HIVEP3: variants seen among roughly 807,000 people sequenced by gnomAD.
The protein encoded by HIVEP3 is transcription factor HIVEP3.
Under a neutral mutation model 152.8 loss-of-function variants are expected in HIVEP3, and 49 were observed. The observed-to-expected ratio is 0.32, with a 90% CI of 0.26 to 0.41. The LOEUF (loss-of-function observed/expected upper bound fraction) is 0.41, where lower values mean the gene tolerates loss of function less well. HIVEP3 is among the 10% of genes least tolerant of loss of function. The pLI is 1.00. For synonymous variants in HIVEP3, 1,269 were observed against 1,289.0 expected (o/e 0.98, Z 0.33); for missense variants, 2,790 against 3,103.3 (o/e 0.90, Z 2.40).
intron 1 of HIVEP3, among the ~76,000 whole-genome samples, chr1:41,746,693 A>G (rs1647077306): frequency 6.6e-6 from 1 of 152,210 alleles, no homozygotes; most frequent in Non-Finnish European, 1.5e-5. Flanking sequence ...CAAACTGCCC[A>G]GGTCTGCAGC....
At chr1:41,837,826 G>A (rs1391224376) in intron 1 of HIVEP3, among the ~76,000 whole-genome samples, 1 of 152,148 alleles carries the variant, frequency 6.6e-6, no homozygotes, top group Non-Finnish European at 1.5e-5. Context: ...TGCCTGCCTG[G>A]CCAGTATTTA....
chr1:41,644,665 G>C (rs1570201948), intron 2 of HIVEP3, among the ~76,000 whole-genome samples: 2 of 147,672 alleles, frequency 1.4e-5, no homozygotes, highest in East Asian at 4.0e-4. Context: ...TATAACCCAG[G>C]GATTTAAAGC....
chr1:41,582,022 C>T lies in HIVEP3; in HGVS notation c.2776G>A (p.Val926Met), dbSNP rs1449873405. Reference sequence around the variant, plus strand: ...TGGCTCGGGCTGCGAGACAGAGGCACAGAGGACTCGAAGCTGGACTCCCCT... The same window carrying T: ...TGGCTCGGGCTGCGAGACAGAGGCATAGAGGACTCGAAGCTGGACTCCCCT... The part of the protein sequence containing the change: ...SSGESSFESS[V>M]PLSRSPSQES... Residue 926 changes from valine to methionine, a missense_variant, in exon 4 of 9, where the codon GTG (valine) becomes ATG (methionine). By Grantham distance (21) the Val-to-Met change is conservative. Transcript: ENST00000372583. The surrounding 1 kb of genome is among the most constrained non-coding windows in gnomAD (Gnocchi z 4.7). The T allele has an allele frequency of 1.2e-6, 2 of 1,614,190 alleles. No individual in the cohort carries two copies. Among genetic ancestry groups the T allele is most frequent in the East Asian group, 4.5e-5 (2 of 44,878 alleles).
At chr1:41,612,820 G>A (rs1331670531) in intron 3 of HIVEP3, among the ~76,000 whole-genome samples, 1 of 152,218 alleles carries the variant, frequency 6.6e-6, no homozygotes, top group African/African-American at 2.4e-5. Context: ...GCCAGCCCCT[G>A]TCCCCTCCCT....
chr1:41,595,918 T>C (rs1380094922), intron 3 of HIVEP3, among the ~76,000 whole-genome samples: 4 of 152,172 alleles, frequency 2.6e-5, no homozygotes, highest in South Asian at 2.1e-4. Flanking sequence ...CACCTTGTGA[T>C]TGTGTGAGTC....
Position 41,513,452 on chromosome 1 carries a change from G to A in HIVEP3, c.5769C>T (p.Arg1923=), listed in dbSNP as rs1456789403. Residue 1923 remains arginine (R), a synonymous_variant, in exon 8 of 9, where the codon CGC becomes CGT. Transcript: ENST00000372583. ...ACATGGAGCAGCTGCTGGCTGTCAG[G>A]CGCTCAGCTTCCGAGACCGAGCTGC... ...TRGSSVSEAE[R]LTASSCSMSS... is the part of the protein sequence containing the mutation. The A allele has an allele frequency of 6.2e-7, 1 of 1,611,820 alleles. No homozygotes were observed.
intron 1 of HIVEP3, among the ~76,000 whole-genome samples, chr1:41,948,100 T>C (rs184091904): frequency 1.3e-5 from 2 of 152,356 alleles, no homozygotes; most frequent in African/African-American, 2.4e-5. Flanking sequence ...GGGGACTTTT[T>C]AGAGGTCTCC....
chr1:42,008,398 G>A (rs547610807), intron 1 of HIVEP3, among the ~76,000 whole-genome samples: 3 of 152,314 alleles, frequency 2.0e-5, no homozygotes, highest in Admixed American at 1.3e-4. Flanking sequence ...AGCATCATAC[G>A]ATAAAGCCAT....
intron 5 of HIVEP3, among the ~76,000 whole-genome samples, chr1:41,526,598 T>C (rs796999947): frequency 0.13 from 946 of 7,046 alleles, no homozygotes; most frequent in Admixed American, 0.17. Context: ...CTCACACCCT[T>C]ACACCTGCTC....
intron 1 of HIVEP3, among the ~76,000 whole-genome samples, chr1:42,000,508 G>A (rs1645421232): frequency 6.6e-6 from 1 of 152,144 alleles, no homozygotes; most frequent in Non-Finnish European, 1.5e-5. Flanking sequence ...GTTCCCAAAG[G>A]AGAAAGAGGA....
chr1:41,882,380 C>G (rs560292059), intron 1 of HIVEP3, among the ~76,000 whole-genome samples: 2 of 152,320 alleles, frequency 1.3e-5, no homozygotes, highest in South Asian at 4.1e-4. Context: ...TGAGCAGACC[C>G]TACTGTGGCC....
intron 3 of HIVEP3, among the ~76,000 whole-genome samples, chr1:41,605,861 ATTTG>A (rs1280372639): frequency 2.0e-5 from 3 of 152,154 alleles, no homozygotes; most frequent in Admixed American, 6.5e-5. Flanking sequence ...CAGCTTTCAG[ATTTG>A]TTTATTTAAA....
At chr1:41,839,200 C>A (rs1479288816) in intron 1 of HIVEP3, among the ~76,000 whole-genome samples, 2 of 152,126 alleles carry the variant, frequency 1.3e-5, no homozygotes, top group Non-Finnish European at 2.9e-5. Context: ...GAAGGTGGAG[C>A]CCTGAGAAGG....
At chr1:41,514,685 T>C (rs534800867) in intron 7 of HIVEP3, among the ~76,000 whole-genome samples, 19 of 152,344 alleles carry the variant, frequency 1.2e-4, no homozygotes, top group African/African-American at 4.6e-4. Flanking sequence ...TACATGTGGC[T>C]GAATGCCCAC....
At chr1:41,902,659 G>C (rs1332791835) in intron 1 of HIVEP3, among the ~76,000 whole-genome samples, 1 of 152,194 alleles carries the variant, frequency 6.6e-6, no homozygotes, top group Admixed American at 6.5e-5. Context: ...TGGGCACACA[G>C]AAGTGGCCGA....
At chr1:41,830,932 A>G (rs903548756) in intron 1 of HIVEP3, among the ~76,000 whole-genome samples, 10 of 152,292 alleles carry the variant, frequency 6.6e-5, no homozygotes, top group African/African-American at 1.7e-4. Flanking sequence ...GGCTTGTCTC[A>G]AATGTACTAT....
rs76982441 is a variant in HIVEP3 at position 41,771,637 on chromosome 1, T to C, written c.-800-70642A>G. On this transcript the variant is annotated intron_variant, in intron 1 of 8. Transcript: ENST00000372583. ...GGATTTGACTGTTGCTCTCAGGAAC[T>C]GACAGTACTCTCGGGGCTTGGCAGG... 8.4e-3 allele frequency among the ~76,000 whole-genome samples: 1,284 copies of C among 152,220 alleles called. 7 individuals are homozygous for C. Among genetic ancestry groups the C allele is most frequent in the African/African-American group, 0.025 (1,019 of 41,526 alleles).
At chr1:41,649,171 T>C (rs188003445) in intron 2 of HIVEP3, among the ~76,000 whole-genome samples, 97 of 152,356 alleles carry the variant, frequency 6.4e-4, no homozygotes, top group African/African-American at 2.3e-3. Context: ...CATCACTTTG[T>C]GGCCGGAGCC....
intron 1 of HIVEP3, among the ~76,000 whole-genome samples, chr1:41,741,738 C>T (rs1646999589): frequency 1.3e-5 from 2 of 152,230 alleles, no homozygotes; most frequent in African/African-American, 4.8e-5. Context: ...CCTGAATTTT[C>T]ATTTCTGGCT....
Sources: gnomAD v4.1 joint callset for allele counts (sites outside exome capture counted in the v4.1 genomes callset) on GRCh38, gnomAD v4.1.1 for gene constraint, Gnocchi (gnomAD v3.1) non-coding constraint, MANE v1.5 for transcripts, NCBI Gene and HGNC (gene_info 2026-07-23, HGNC 2026-07-21) for gene names.